Variants in SACS observed in about 807,000 individuals in gnomAD.
SACS encodes sacsin molecular chaperone.
In SACS, 197 loss-of-function variants were observed where a neutral mutation model predicts 348.0. That is an observed-to-expected ratio of 0.57 (90% CI 0.50 to 0.64). SACS has a LOEUF of 0.64. SACS is among the 30% of genes least tolerant of loss of function. The pLI, the probability that SACS is intolerant of heterozygous loss-of-function variation, is 0.00. For missense variants in SACS, 4,999 were observed against 5,360.8 expected (o/e 0.93, Z 2.11); for synonymous variants, 1,985 against 1,910.6 (o/e 1.04, Z -1.02).
intron 1 of SACS, among the ~76,000 whole-genome samples, chr13:23,426,367 G>A (rs944797562): frequency 2.0e-5 from 3 of 152,148 alleles, no homozygotes; most frequent in Non-Finnish European, 2.9e-5. Flanking sequence ...CAGGCCAGGT[G>A]CAGTGGCCCA....
intron 9 of SACS, among the ~76,000 whole-genome samples, chr13:23,350,584 A>C (rs1239091089): frequency 6.6e-6 from 1 of 152,222 alleles, no homozygotes; most frequent in Non-Finnish European, 1.5e-5. Context: ...TGATGTTTCC[A>C]TTTTATGCAG....
At chr13:23,424,534 A>AAAG (rs983842070) in intron 1 of SACS, among the ~76,000 whole-genome samples, 1 of 150,822 alleles carries the variant, frequency 6.6e-6, no homozygotes, top group Admixed American at 6.7e-5. Context: ...TCAAAAAAAA[A>AAAG]AAAAAGGAAA....
chr13:23,412,613 C>T (rs1455201521), intron 1 of SACS, among the ~76,000 whole-genome samples: 3 of 151,884 alleles, frequency 2.0e-5, no homozygotes, highest in Admixed American at 2.0e-4. Context: ...GGGGTTTTGC[C>T]CTGTTGGCCA....
In SACS at chr13:23,355,662, G is replaced by A; in HGVS notation, c.950C>T (p.Ser317Phe). 1 of 1,614,094 alleles carries A rather than the reference G, an allele frequency of 6.2e-7. No individual in the cohort carries two copies. Residue 317 changes from serine to phenylalanine, a missense_variant, in exon 8 of 10, where the codon TCC becomes TTC. By Grantham distance (155) the Ser-to-Phe change is radical. Transcript: ENST00000382292. ...LLFLKSVQDV[S>F]LYVREADGTE... The stretch of plus-strand genomic sequence containing the variant: ...TCCGTCAGCCTCTCGGACATATAAG[G>A]AAACATCCTGCACACTTTTCAGAAA...
At chr13:23,399,034 A>AAAAAAAAAAAAAC (rs1872839174) in intron 2 of SACS, among the ~76,000 whole-genome samples, 1 of 150,360 alleles carries the variant, frequency 6.7e-6, no homozygotes, top group East Asian at 1.9e-4. Flanking sequence ...AAAAAAAAAA[A>AAAAAAAAAAAAAC]AAACATGGAT....
chr13:23,336,480 A>G lies in SACS; in HGVS notation c.7396T>C (p.Leu2466=). 1 of 1,614,068 alleles carries G rather than the reference A, an allele frequency of 6.2e-7. No individual in the cohort carries two copies. The highest frequency in any genetic ancestry group is 8.5e-7 in the Non-Finnish European group (1 of 1,179,930). ...TNLMLLPAKS[L]CYNDCPWIKV... ...ATCCAAGGGCAATCATTGTAGCATA[A>G]CGATTTAGCAGGGAGAAGCATAAGA... The change falls in exon 10 of 10, where the codon TTA becomes CTA. Residue 2466 remains leucine, a synonymous_variant. Transcript: ENST00000382292.
At chr13:23,386,272 C>G (rs1405300378) in intron 2 of SACS, among the ~76,000 whole-genome samples, 1 of 152,262 alleles carries the variant, frequency 6.6e-6, no homozygotes, top group African/African-American at 2.4e-5. Flanking sequence ...AAATCTGTTG[C>G]TTAGTGTAGT....
At chr13:23,365,090 A>C in intron 6 of SACS, 76 bp downstream of exon 6, 1 of 944,322 alleles carries the variant, frequency 1.1e-6, no homozygotes, top group Non-Finnish European at 1.7e-6. Context: ...CTGTTCATTA[A>C]ACAAAGCATT....
At chr13:23,397,089 C>A (rs1443293308) in intron 2 of SACS, among the ~76,000 whole-genome samples, 1 of 152,086 alleles carries the variant, frequency 6.6e-6, no homozygotes, top group East Asian at 1.9e-4. Context: ...ACTTGCTAGC[C>A]TTCTACAGAA....
intron 2 of SACS, among the ~76,000 whole-genome samples, chr13:23,408,415 G>C (rs1014773069): frequency 6.6e-6 from 1 of 152,202 alleles, no homozygotes; most frequent in Non-Finnish European, 1.5e-5. Context: ...AATGAGATTC[G>C]TTATGTTGCA....
At position 23,335,390 on chromosome 13, in the gene SACS, A is replaced by G. The variant is rs764257127; in HGVS notation, c.8486T>C (p.Met2829Thr). Residue 2829 changes from methionine to threonine, a missense_variant, in exon 10 of 10, where the codon ATG (methionine) becomes ACG (threonine). Met to Thr is a moderately conservative substitution (Grantham distance 81, BLOSUM62 -1). Transcript: ENST00000382292. The surrounding 1 kb of genome is among the most constrained non-coding windows in gnomAD (Gnocchi z 4.7). Reference protein sequence around the residue: ...LICNRSGFSSMEKVSKSVISA... With the variant: ...LICNRSGFSSTEKVSKSVISA... The stretch of plus-strand genomic sequence containing the variant: ...TATGACACTTTTAGATACTTTCTCC[A>G]TACTTGAAAAGCCTGATCTATTACA... 1.9e-6 allele frequency: 3 copies of G among 1,613,782 alleles called. No homozygotes were observed. The highest frequency in any genetic ancestry group is 2.7e-5 in the African/African-American group (2 of 74,924).
At position 23,331,620 on chromosome 13, in the gene SACS, G is replaced by C. The variant is rs201636767; in HGVS notation, c.12256C>G (p.Leu4086Val). The C allele has an allele frequency of 1.2e-6, 2 of 1,613,830 alleles. No homozygotes were observed. The highest frequency in any genetic ancestry group is 1.7e-6 in the Non-Finnish European group (2 of 1,179,918). Residue 4086 changes from leucine (L) to valine (V), a missense_variant, in exon 10 of 10, where the codon CTC (leucine) becomes GTC (valine). By Grantham distance (32) the Leu-to-Val change is conservative (BLOSUM62 1). Coordinates refer to ENST00000382292, the MANE Select transcript of SACS (RefSeq NM_014363.6). ...TTACTGTCTGAATGTTGAATGTAGA[G>C]CAAGATGACTGCATTACCAAATCGC... Reference protein sequence around the residue: ...LKRFGNAVILLYIQHSDSKDI... With the variant: ...LKRFGNAVILVYIQHSDSKDI...
At chr13:23,426,799 ATGC>A (rs1874202469) in intron 1 of SACS, among the ~76,000 whole-genome samples, 1 of 152,206 alleles carries the variant, frequency 6.6e-6, no homozygotes, top group East Asian at 1.9e-4. Flanking sequence ...CAAATCAGAT[ATGC>A]ATCTATCTCA....
At chr13:23,349,964 CA>C (rs1428429228) in intron 9 of SACS, among the ~76,000 whole-genome samples, 3 of 152,044 alleles carry the variant, frequency 2.0e-5, no homozygotes, top group Non-Finnish European at 4.4e-5. Context: ...TGAATGTATT[CA>C]AGGAAAGGAA....
chr13:23,393,370 T>C (rs767483271), intron 2 of SACS, among the ~76,000 whole-genome samples: 4 of 152,160 alleles, frequency 2.6e-5, no homozygotes, highest in Non-Finnish European at 5.9e-5. Context: ...AATCCACTTG[T>C]TCCTTCTTTG....
chr13:23,430,842 A>C (rs1288378286), intron 1 of SACS, among the ~76,000 whole-genome samples: 1 of 152,206 alleles, frequency 6.6e-6, no homozygotes, highest in Non-Finnish European at 1.5e-5. Context: ...GGTTATTATA[A>C]TTGGACCACA....
At position 23,332,599 on chromosome 13, in the gene SACS, CGTT is replaced by C. The variant is rs1454517884; in HGVS notation, c.11274_11276del (p.Ile3758_Thr3759delinsMet). 2 of 1,613,440 alleles carry C rather than the reference CGTT, an allele frequency of 1.2e-6. No individual in the cohort carries two copies. Among genetic ancestry groups the C allele is most frequent in the Non-Finnish European group, 1.7e-6 (2 of 1,179,876 alleles). ...TTTTTACCATTTCTTCATCCAACGTCGTTATGTTGCATATGTTTCTGCAGTTAT... is the reference window on the plus strand; with the variant it reads ...TTTTTACCATTTCTTCATCCAACGTCATGTTGCATATGTTTCTGCAGTTAT... On this transcript the variant is annotated inframe_deletion, in exon 10 of 10. Transcript: ENST00000382292.
chr13:23,374,474 A>G lies in SACS; in HGVS notation c.171+645T>C, dbSNP rs1029435766. Among the ~76,000 whole-genome samples the G allele has an allele frequency of 9.2e-5, 14 of 152,260 alleles. No homozygotes were observed. The South Asian group carries it at 1.9e-3, about 20-fold the overall frequency. On this transcript the variant is annotated intron_variant, in intron 3 of 9. Coordinates refer to ENST00000382292, the MANE Select transcript of SACS (RefSeq NM_014363.6). The stretch of plus-strand genomic sequence containing the variant: ...ATCACATGAAGATGTTTATTAGAAA[A>G]AAAGAAATGTTTTAAAAGAGTTAAC...
chr13:23,359,026 C>CA (rs1229853517), intron 6 of SACS, among the ~76,000 whole-genome samples: 2 of 151,728 alleles, frequency 1.3e-5, no homozygotes, highest in African/African-American at 4.8e-5. Flanking sequence ...CTAAAAAATA[C>CA]AAAAAATTAG....
Sources: allele counts gnomAD v4.1 joint callset (sites outside exome capture counted in the v4.1 genomes callset), GRCh38; gene constraint gnomAD v4.1.1; non-coding constraint Gnocchi (gnomAD v3.1); transcripts MANE v1.5; gene names NCBI Gene and HGNC (gene_info 2026-07-23, HGNC 2026-07-21).